The following CCDC172 variants were observed in gnomAD, a reference collection of about 807,000 sequenced individuals.
CCDC172 encodes coiled-coil domain-containing protein 172.
In CCDC172, 30 loss-of-function variants were observed where a neutral mutation model predicts 38.0. The ratio of observed to expected loss-of-function variants is 0.79; its 90% CI spans 0.59 to 1.07. The LOEUF is 1.07. Among genes scored for constraint, CCDC172 ranks in the 50% least tolerant of loss-of-function variants. CCDC172 has a pLI of 0.00. For synonymous variants in CCDC172, 78 were observed against 88.3 expected (o/e 0.88, Z 0.66); for missense variants, 297 against 290.1 (o/e 1.02, Z -0.17).
chr10:116,371,103 G>A (rs910702117), intron 7 of CCDC172, among the ~76,000 whole-genome samples: 1 of 151,688 alleles, frequency 6.6e-6, no homozygotes, highest in African/African-American at 2.4e-5. Flanking sequence ...TAAAGGTAAT[G>A]GGCATCCTTA....
intron 5 of CCDC172, among the ~76,000 whole-genome samples, chr10:116,344,844 A>G (rs1259478799): frequency 1.3e-5 from 2 of 151,098 alleles, no homozygotes; most frequent in African/African-American, 4.9e-5. Flanking sequence ...TATCTTAGAA[A>G]TTATTTTTTT....
In CCDC172 at chr10:116,324,626, T is replaced by C; in HGVS notation, c.-66+13T>C. ...CTCAAAAGCCAAGGTCTTGGCAGCCTTTTTATTTGCCACCAAAGCGAAAAA... is the reference window on the plus strand; with the variant it reads ...CTCAAAAGCCAAGGTCTTGGCAGCCCTTTTATTTGCCACCAAAGCGAAAAA... On this transcript the variant is annotated intron_variant, in intron 1 of 8. Coordinates refer to ENST00000333254, the MANE Select transcript of CCDC172 (RefSeq NM_198515.3). 1 of 181,834 alleles carries C rather than the reference T, an allele frequency of 5.5e-6. No individual in the cohort carries two copies. Among genetic ancestry groups the C allele is most frequent in the Non-Finnish European group, 1.1e-5 (1 of 86,994 alleles). The allele number at this position is 181,834 out of a possible 1,614,324, so 11.3% of individuals were successfully genotyped here.
intron 7 of CCDC172, among the ~76,000 whole-genome samples, chr10:116,369,652 G>A (rs953761322): frequency 6.6e-6 from 1 of 151,920 alleles, no homozygotes; most frequent in African/African-American, 2.4e-5. Flanking sequence ...CCAGTATTTT[G>A]TGATTACAAA....
intron 7 of CCDC172, among the ~76,000 whole-genome samples, chr10:116,361,884 A>AT (rs980197977): frequency 6.6e-6 from 1 of 152,148 alleles, no homozygotes; most frequent in African/African-American, 2.4e-5. Context: ...ACATGTATAT[A>AT]TTTTTTATTA....
intron 3 of CCDC172, among the ~76,000 whole-genome samples, chr10:116,330,433 G>A (rs569542542): frequency 6.6e-6 from 1 of 152,238 alleles, no homozygotes; most frequent in Admixed American, 6.5e-5. Flanking sequence ...AGTAAGTAAT[G>A]CATAAAGTTA....
chr10:116,365,309 T>C (rs899078446), intron 7 of CCDC172, among the ~76,000 whole-genome samples: 6 of 152,178 alleles, frequency 3.9e-5, no homozygotes, highest in African/African-American at 1.4e-4. Flanking sequence ...ATTTCAGCAG[T>C]CTCTCATTCT....
At chr10:116,367,788 C>T (rs1396933291) in intron 7 of CCDC172, among the ~76,000 whole-genome samples, 1 of 151,994 alleles carries the variant, frequency 6.6e-6, no homozygotes, top group African/African-American at 2.4e-5. Context: ...TACTTTTCTT[C>T]TTTCTTTTTC....
chr10:116,333,509 T>C (rs1357196645), intron 3 of CCDC172, among the ~76,000 whole-genome samples: 3 of 152,200 alleles, frequency 2.0e-5, no homozygotes, highest in African/African-American at 7.2e-5. Flanking sequence ...AAGCAGTGCA[T>C]GAATAAACAC....
At chr10:116,369,435 C>T (rs918469858) in intron 7 of CCDC172, among the ~76,000 whole-genome samples, 2 of 151,970 alleles carry the variant, frequency 1.3e-5, no homozygotes, top group African/African-American at 4.8e-5. Flanking sequence ...TATATATTCT[C>T]ATATCCCTTT....
intron 7 of CCDC172, among the ~76,000 whole-genome samples, chr10:116,377,492 A>G (rs1223277712): frequency 1.3e-5 from 2 of 152,106 alleles, no homozygotes; most frequent in Non-Finnish European, 2.9e-5. Context: ...GTTCTAACCA[A>G]CCTATTTTTT....
chr10:116,355,857 T>C (rs1349447034), intron 5 of CCDC172, among the ~76,000 whole-genome samples: 1 of 152,136 alleles, frequency 6.6e-6, no homozygotes, highest in African/African-American at 2.4e-5. Flanking sequence ...GGTATGGAGT[T>C]TCTTTGGTGG....
At chr10:116,378,803 C>T (rs1367639450) in intron 8 of CCDC172, among the ~76,000 whole-genome samples, 2 of 152,108 alleles carry the variant, frequency 1.3e-5, no homozygotes, top group Non-Finnish European at 2.9e-5. Context: ...TTGACTGAAA[C>T]TGTTATTAGA....
rs1447797070 is a variant in CCDC172, at chr10:116,363,675, G to A, written c.653+5737G>A. On this transcript the variant is annotated intron_variant, in intron 7 of 8. Transcript: ENST00000333254. ...ATTTCGGCTGGGCGCAGTGAGTCAC[G>A]TCTATAATCCCAACACTTTGGGAGG... Among the ~76,000 whole-genome samples the A allele has an allele frequency of 2.6e-5, 4 of 152,160 alleles. No homozygotes were observed. In the South Asian group the frequency reaches 6.2e-4, roughly 24 times the overall value.
chr10:116,342,497 G>T (rs997750449), intron 5 of CCDC172, among the ~76,000 whole-genome samples: 10 of 152,166 alleles, frequency 6.6e-5, no homozygotes, highest in African/African-American at 2.4e-4. Flanking sequence ...AAGAAAATAT[G>T]TAAGCAGACA....
At chr10:116,378,358 C>G in intron 7 of CCDC172, 65 bp from the exon 8 acceptor site, 1 of 1,452,670 alleles carries the variant, frequency 6.9e-7, no homozygotes, top group Non-Finnish European at 9.2e-7. Flanking sequence ...ACTTGTCCCT[C>G]TCTGTGCAGT....
chr10:116,368,506 G>A (rs558775354), intron 7 of CCDC172, among the ~76,000 whole-genome samples: 22 of 151,396 alleles, frequency 1.5e-4, no homozygotes, highest in Non-Finnish European at 2.8e-4. Flanking sequence ...ATCCATTACC[G>A]TCATTATTAT....
At chr10:116,355,637 T>A (rs565678119) in intron 5 of CCDC172, among the ~76,000 whole-genome samples, 1 of 152,268 alleles carries the variant, frequency 6.6e-6, no homozygotes, top group Admixed American at 6.5e-5. Context: ...TATTCAGGCA[T>A]CAAATAAATG....
chr10:116,362,221 TTC>T (rs1325408027), intron 7 of CCDC172, among the ~76,000 whole-genome samples: 2 of 152,216 alleles, frequency 1.3e-5, no homozygotes, highest in Non-Finnish European at 2.9e-5. Context: ...CAGAATTTAT[TTC>T]TGTTTGTGTG....
chr10:116,338,444 A>G (rs911518950), intron 3 of CCDC172, among the ~76,000 whole-genome samples: 8 of 152,136 alleles, frequency 5.3e-5, no homozygotes, highest in Non-Finnish European at 7.4e-5. Flanking sequence ...AGATAAACTA[A>G]TAATAAAAAT....
Sources: gnomAD v4.1 joint callset for allele counts (sites outside exome capture counted in the v4.1 genomes callset) on GRCh38, gnomAD v4.1.1 for gene constraint, MANE v1.5 for transcripts, NCBI Gene and HGNC (gene_info 2026-07-23, HGNC 2026-07-21) for gene names.